NADK: variants seen among roughly 807,000 people sequenced by gnomAD.
NADK encodes poly(P)/ATP NAD kinase.
In NADK, 22 loss-of-function variants were observed where a neutral mutation model predicts 49.8. The observed-to-expected ratio is 0.44, with a 90% CI of 0.32 to 0.63. The LOEUF is 0.63. NADK is among the 30% of genes least tolerant of loss of function. NADK has a pLI of 0.06. For synonymous variants in NADK, 268 were observed against 253.7 expected (o/e 1.06, Z -0.54); for missense variants, 438 against 609.4 (o/e 0.72, Z 2.96).
intron 3 of NADK, chr1:1,758,508 T>G (rs755374756): frequency 6.2e-7 from 1 of 1,610,206 alleles, no homozygotes; most frequent in African/African-American, 1.3e-5. Context: ...CAGGCCACGC[T>G]TGGCGAACAC....
At chr1:1,759,884 G>C (rs931785698) in intron 3 of NADK, 3 of 1,550,688 alleles carry the variant, frequency 1.9e-6, no homozygotes, top group Non-Finnish European at 2.6e-6. Flanking sequence ...GCTGAGATGC[G>C]AGTGACAAAG....
intron 3 of NADK, chr1:1,759,082 G>T (rs749220908): frequency 2.6e-6 from 4 of 1,513,554 alleles, no homozygotes; most frequent in Non-Finnish European, 3.6e-6. Context: ...TGCTCTCCCC[G>T]CCAACAGTCA....
Position 1,752,698 on chromosome 1 carries a change from C to T in NADK, c.*206G>A. 1 of 595,150 alleles carries T rather than the reference C, an allele frequency of 1.7e-6. No homozygotes were observed. The highest frequency in any genetic ancestry group is 2.6e-5 in the South Asian group (1 of 37,816). 36.9% of individuals were successfully genotyped at this position (595,150 alleles called of 1,614,324 possible). A position where few individuals can be genotyped will look rare whatever the true frequency, so the allele number is the denominator to read the frequency against. ...ACAGAAGCACTCCCAGCCCATTTCT[C>T]ACGCTTCTTTAGAAATGCAAAAAAA... is the stretch of plus-strand genomic sequence containing the variant. On this transcript the variant is annotated 3_prime_UTR_variant, in exon 12 of 12. Coordinates refer to ENST00000341426, the MANE Select transcript of NADK (RefSeq NM_023018.5).
At chr1:1,771,784 T>C (rs1004095131) in intron 1 of NADK, among the ~76,000 whole-genome samples, 1 of 151,824 alleles carries the variant, frequency 6.6e-6, no homozygotes, top group African/African-American at 2.4e-5. Context: ...TGAAACTTTT[T>C]AGAAGAAAGC....
At chr1:1,761,417 C>T (rs968655388) in intron 3 of NADK, among the ~76,000 whole-genome samples, 3 of 152,198 alleles carry the variant, frequency 2.0e-5, no homozygotes, top group East Asian at 1.9e-4. Context: ...TGAGCCACTG[C>T]GCCCAGCCTG....
chr1:1,761,856 G>A (rs951295466), intron 3 of NADK, 96 bp downstream of exon 3: 40 of 1,102,492 alleles, frequency 3.6e-5, no homozygotes, highest in African/African-American at 4.6e-5. Flanking sequence ...CACACATCCC[G>A]AGGACTCCCC....
intron 3 of NADK, 65 bp from the exon 4 acceptor site, chr1:1,757,375 C>T: frequency 7.2e-7 from 1 of 1,380,360 alleles, no homozygotes; most frequent in Non-Finnish European, 1.0e-6. Context: ...AGGTGTATGA[C>T]TTAGAAAATA....
At chr1:1,761,355 G>A (rs1345495628) in intron 3 of NADK, among the ~76,000 whole-genome samples, 1 of 151,990 alleles carries the variant, frequency 6.6e-6, no homozygotes, top group Non-Finnish European at 1.5e-5. Flanking sequence ...CAAACTCCTG[G>A]GCCCAAGTGA....
intron 4 of NADK, 23 bp from the exon 5 acceptor site, chr1:1,756,631 C>T (rs753214672): frequency 6.2e-7 from 1 of 1,613,868 alleles, no homozygotes; most frequent in South Asian, 1.1e-5. Flanking sequence ...TGCCAACCTG[C>T]TCATTCCACC....
rs1342316613 is a variant in NADK, at chr1:1,752,141, GA to G, written c.*762del. The G allele has an allele frequency of 2.6e-5, 4 of 152,454 alleles. No individual in the cohort carries two copies. Among genetic ancestry groups the G allele is most frequent in the Non-Finnish European group, 5.9e-5 (4 of 68,012 alleles). 9.4% of individuals were successfully genotyped at this position (152,454 alleles called of 1,614,324 possible). A position where few individuals can be genotyped will look rare whatever the true frequency, so the allele number is the denominator to read the frequency against. Reference sequence around the variant, plus strand: ...AATGGCAGACGACTCCCTTCCCCTTGAAATCTTCACAAAAGTGTGTACGAGA... The same window carrying G: ...AATGGCAGACGACTCCCTTCCCCTTGAATCTTCACAAAAGTGTGTACGAGA... On this transcript the variant is annotated 3_prime_UTR_variant, in exon 12 of 12. Coordinates refer to ENST00000341426, the MANE Select transcript of NADK (RefSeq NM_023018.5).
chr1:1,768,039 C>A (rs751650864), intron 1 of NADK, among the ~76,000 whole-genome samples: 1 of 151,970 alleles, frequency 6.6e-6, no homozygotes. Context: ...GGCGTGGTGG[C>A]GGGCGCCTGT....
intron 2 of NADK, among the ~76,000 whole-genome samples, chr1:1,764,988 CAGAT>C (rs996373009): frequency 5.9e-5 from 9 of 152,212 alleles, no homozygotes; most frequent in South Asian, 4.1e-4. Flanking sequence ...CTGATACAGA[CAGAT>C]AGAGAAACAC....
At position 1,758,431 on chromosome 1, in the gene NADK, G is replaced by A. The variant is rs373366563; in HGVS notation, c.264-1121C>T. 730 of 1,612,154 alleles carry A rather than the reference G, an allele frequency of 4.5e-4. 9 individuals carry two copies. In the East Asian group the frequency reaches 0.014, roughly 31 times the overall value. ...ATCCCCTATGAGCTCAGCACCTGCC[G>A]GGTCACACATGTGGCTCGCGAGGTA... On this transcript the variant is annotated intron_variant, in intron 3 of 11. Transcript: ENST00000341426.
intron 11 of NADK, 131 bp downstream of exon 11, chr1:1,753,436 A>T (rs1645395649): frequency 1.4e-6 from 1 of 712,438 alleles, no homozygotes; most frequent in Non-Finnish European, 2.3e-6. Context: ...ATGCTGCAAG[A>T]CCCAGGGACT....
intron 1 of NADK, among the ~76,000 whole-genome samples, chr1:1,772,198 C>G (rs1418851938): frequency 1.4e-5 from 2 of 147,744 alleles, no homozygotes; most frequent in African/African-American, 5.0e-5. Flanking sequence ...GGGTCTTACT[C>G]TGTCCCCAGG....
chr1:1,770,443 A>G (rs1646013573), intron 1 of NADK, among the ~76,000 whole-genome samples: 1 of 152,254 alleles, frequency 6.6e-6, no homozygotes, highest in South Asian at 2.1e-4. Flanking sequence ...CAAATAAGTG[A>G]GTTTATTAGC....
At position 1,766,406 on chromosome 1, in the gene NADK, G is replaced by A. The variant is rs564032547; in HGVS notation, c.-40-960C>T. On this transcript the variant is annotated intron_variant, in intron 1 of 11. Transcript: ENST00000341426. ...GGGCAACAAGAACGAAAGAAACTCC[G>A]TCTCAAAAAAAAAAAAAAAAAAAAA... 4.9e-4 allele frequency among the ~76,000 whole-genome samples: 9 copies of A among 18,524 alleles called. No individual in the cohort carries two copies. The South Asian group carries it at 0.014, about 28-fold the overall frequency. The allele number at this position is 18,524 out of a possible 152,430, so 12.2% of individuals were successfully genotyped here.
chr1:1,759,212 C>T, intron 3 of NADK: 1 of 1,575,882 alleles, frequency 6.3e-7, no homozygotes, highest in Non-Finnish European at 8.6e-7. Context: ...TGTGTGACCA[C>T]AAACCAGCGC....
chr1:1,774,149 GTA>G (rs1279628952), intron 1 of NADK, among the ~76,000 whole-genome samples: 57 of 151,022 alleles, frequency 3.8e-4, no homozygotes, highest in South Asian at 2.9e-3. Context: ...CTTCACCTAT[GTA>G]TGTGTGTGTG....
Sources: gnomAD v4.1 joint callset for allele counts (sites outside exome capture counted in the v4.1 genomes callset) on GRCh38, gnomAD v4.1.1 for gene constraint, MANE v1.5 for transcripts, NCBI Gene and HGNC (gene_info 2026-07-23, HGNC 2026-07-21) for gene names.